The following CTNNA3 variants were observed in gnomAD, a reference collection of about 807,000 sequenced individuals.
CTNNA3 encodes the protein catenin alpha 3.
In CTNNA3, 76 loss-of-function variants were observed where a neutral mutation model predicts 95.7. That is an observed-to-expected ratio of 0.79 (90% confidence interval 0.66 to 0.96). The LOEUF is 0.96. Among genes scored for constraint, CTNNA3 ranks in the 40% least tolerant of loss-of-function variants. The pLI is 0.00. For missense variants in CTNNA3, 1,191 were observed against 1,089.8 expected, an observed-to-expected ratio of 1.09 and a Z score of -1.31; for synonymous variants, 431 against 374.4, an observed-to-expected ratio of 1.15 and a Z score of -1.74.
At chr10:67,732,857 G>A (rs780657191) in intron 1 of CTNNA3, among the ~76,000 whole-genome samples, 7 of 150,464 alleles carry the variant, frequency 4.7e-5, no homozygotes, top group African/African-American at 7.4e-5. Context: ...CAAATTGAAC[G>A]TAGCCTTCTC....
intron 4 of CTNNA3, among the ~76,000 whole-genome samples, chr10:67,536,758 C>T (rs1267117394): frequency 6.6e-6 from 1 of 152,108 alleles, no homozygotes; most frequent in Non-Finnish European, 1.5e-5. Flanking sequence ...TGCATCAAAA[C>T]ATTCATGGGA....
chr10:66,877,494 C>A (rs530861839), intron 7 of CTNNA3, among the ~76,000 whole-genome samples: 70 of 152,258 alleles, frequency 4.6e-4, no homozygotes, highest in African/African-American at 1.6e-3. Context: ...TTATTACTAT[C>A]TCATGAACTG....
chr10:66,748,341 T>G (rs1469549850), intron 9 of CTNNA3, among the ~76,000 whole-genome samples: 2 of 152,222 alleles, frequency 1.3e-5, no homozygotes, highest in Non-Finnish European at 2.9e-5. Context: ...GTTTCTGTTC[T>G]GCTCCTTGCC....
chr10:66,658,900 A>G (rs920371395), intron 9 of CTNNA3, among the ~76,000 whole-genome samples: 1 of 151,964 alleles, frequency 6.6e-6, no homozygotes, highest in African/African-American at 2.4e-5. Flanking sequence ...TGTCATGTTG[A>G]CCAGGCTGGT....
At chr10:66,906,134 G>T (rs1359579975) in intron 7 of CTNNA3, among the ~76,000 whole-genome samples, 2 of 152,138 alleles carry the variant, frequency 1.3e-5, no homozygotes, top group Non-Finnish European at 2.9e-5. Context: ...AGCATTAGAT[G>T]AATAGTTGAC....
chr10:67,288,321 ACTT>A (rs1260119891), intron 5 of CTNNA3, among the ~76,000 whole-genome samples: 1 of 152,316 alleles, frequency 6.6e-6, no homozygotes, highest in African/African-American at 2.4e-5. Flanking sequence ...GGCTGTGTGA[ACTT>A]CTATCAGTTT....
chr10:66,677,751 A>T (rs1846912652), intron 9 of CTNNA3, among the ~76,000 whole-genome samples: 1 of 152,096 alleles, frequency 6.6e-6, no homozygotes, highest in Non-Finnish European at 1.5e-5. Flanking sequence ...TCTTTCCTTT[A>T]TAAGGTCCAT....
Position 66,447,361 on chromosome 10 carries a change from C to T in CTNNA3, c.1532-68009G>A, listed in dbSNP as rs542561670. On this transcript the variant is annotated intron_variant, in intron 11 of 17. Transcript: ENST00000433211. ...TATGGAACCAAAAAAGAGCCCGCAT[C>T]GCCAAGTCAATCCTAAGCCAAAAGA... Among the ~76,000 whole-genome samples, 266 of 143,466 alleles carry T rather than the reference C, an allele frequency of 1.9e-3. 1 individual carries two copies. The highest frequency in any genetic ancestry group is 7.3e-3 in the South Asian group (31 of 4,220). 94.1% of individuals were successfully genotyped at this position (143,466 alleles called of 152,430 possible).
At position 66,985,670 on chromosome 10, in the gene CTNNA3, G is replaced by A. The variant is rs865890485; in HGVS notation, c.1047+194647C>T. Among the ~76,000 whole-genome samples the A allele has an allele frequency of 2.8e-4, 43 of 152,174 alleles. 1 individual carries two copies. In the Middle Eastern group the frequency reaches 0.01, roughly 36 times the overall value. ...AAGGGCAGGTGGAAATGATCATCAA[G>A]AACCCAATCCCATTGCCCCTAGTCA... On this transcript the variant is annotated intron_variant, in intron 7 of 17. Coordinates refer to ENST00000433211, the MANE Select transcript of CTNNA3 (RefSeq NM_013266.4).
chr10:67,067,164 A>G (rs572793417), intron 7 of CTNNA3, among the ~76,000 whole-genome samples: 1 of 152,330 alleles, frequency 6.6e-6, no homozygotes, highest in East Asian at 1.9e-4. Flanking sequence ...TAAGCATGTC[A>G]TATAATAAAT....
chr10:66,742,443 C>T (rs1215017090), intron 9 of CTNNA3, among the ~76,000 whole-genome samples: 6 of 152,114 alleles, frequency 3.9e-5, no homozygotes, highest in Non-Finnish European at 5.9e-5. Context: ...TGATCTTGCC[C>T]TGCCTCCATT....
chr10:66,228,046 G>A lies in CTNNA3; in HGVS notation c.1884+52424C>T, dbSNP rs1259931684. Among the ~76,000 whole-genome samples the A allele has an allele frequency of 1.3e-5, 2 of 151,886 alleles. 1 individual carries two copies. The highest frequency in any genetic ancestry group is 4.1e-4 in the South Asian group (2 of 4,822). On this transcript the variant is annotated intron_variant, in intron 13 of 17. Coordinates refer to ENST00000433211, the MANE Select transcript of CTNNA3 (RefSeq NM_013266.4). ...GCATTATGATTTTTGATTTATGTGGGTCATCTCTCTTTTTTCTTTGTTTGT... is the reference window on the plus strand; with the variant it reads ...GCATTATGATTTTTGATTTATGTGGATCATCTCTCTTTTTTCTTTGTTTGT...
chr10:67,207,066 G>C (rs1485282769), intron 6 of CTNNA3, among the ~76,000 whole-genome samples: 3 of 152,100 alleles, frequency 2.0e-5, no homozygotes, highest in African/African-American at 7.2e-5. Flanking sequence ...GGGAGGCGGA[G>C]GTTGCAGTGA....
chr10:66,656,281 G>A (rs748978017), intron 9 of CTNNA3, among the ~76,000 whole-genome samples: 12 of 152,064 alleles, frequency 7.9e-5, no homozygotes, highest in Non-Finnish European at 1.5e-4. Flanking sequence ...AGCAAATAAC[G>A]ATTGCTTCAA....
intron 9 of CTNNA3, among the ~76,000 whole-genome samples, chr10:66,751,097 G>C (rs563038606): frequency 6.6e-6 from 1 of 151,964 alleles, no homozygotes; most frequent in African/African-American, 2.4e-5. Context: ...GTGAAACCCC[G>C]TCTCTGCTAA....
chr10:66,153,066 A>G (rs1030383385), intron 13 of CTNNA3, among the ~76,000 whole-genome samples: 26 of 151,854 alleles, frequency 1.7e-4, no homozygotes, highest in African/African-American at 5.8e-4. Flanking sequence ...AAAGTTTAGT[A>G]ATTATTTCCT....
intron 13 of CTNNA3, among the ~76,000 whole-genome samples, chr10:66,160,540 G>A (rs117763221): frequency 0.042 from 6,399 of 152,108 alleles, 164 homozygotes; most frequent in African/African-American, 0.046. Flanking sequence ...TGTGGCTTGA[G>A]AGAGTGCTTG....
Position 66,927,385 on chromosome 10 carries a change from C to A in CTNNA3, c.1048-151861G>T, listed in dbSNP as rs1397779714. ...GGGATCTGAACAGTTTCGGGGCTTG[C>A]GGAAGCTGCTGAGTTTACATTTACG... is the stretch of plus-strand genomic sequence containing the variant. On this transcript the variant is annotated intron_variant, in intron 7 of 17. Transcript: ENST00000433211. This position sits in a 1 kb window ranked among gnomAD's most constrained non-coding sequence, Gnocchi z 4.7. The A allele has an allele frequency of 1.9e-6, 3 of 1,614,114 alleles. No homozygotes were observed. Among genetic ancestry groups the A allele is most frequent in the Non-Finnish European group, 1.7e-6 (2 of 1,180,020 alleles).
chr10:65,987,823 G>A (rs1437139755), intron 16 of CTNNA3, among the ~76,000 whole-genome samples: 1 of 151,902 alleles, frequency 6.6e-6, no homozygotes, highest in African/African-American at 2.4e-5. Context: ...TAAACAAAAT[G>A]TGGTATACAA....
Sources: gnomAD v4.1 joint callset for allele counts (sites outside exome capture counted in the v4.1 genomes callset) on GRCh38, gnomAD v4.1.1 for gene constraint, Gnocchi (gnomAD v3.1) non-coding constraint, MANE v1.5 for transcripts, NCBI Gene and HGNC (gene_info 2026-07-23, HGNC 2026-07-21) for gene names.